The following ASXL1 variants were observed in gnomAD, a reference collection of about 807,000 sequenced individuals.
ASXL1 encodes polycomb group protein ASXL1.
In ASXL1, 65 loss-of-function variants were observed where a neutral mutation model predicts 89.1. The observed-to-expected ratio is 0.73, with a 90% CI of 0.60 to 0.90. The LOEUF (loss-of-function observed/expected upper bound fraction) is 0.90, where lower values mean the gene tolerates loss of function less well. Among genes scored for constraint, ASXL1 ranks in the 40% least tolerant of loss-of-function variants. ASXL1 has a pLI of 0.00. For missense variants in ASXL1, 1,786 were observed against 1,942.9 expected, an observed-to-expected ratio of 0.92 and a Z score of 1.52; for synonymous variants, 739 against 746.9, an observed-to-expected ratio of 0.99 and a Z score of 0.17.
rs71338437 is a variant in ASXL1 at position 32,418,809 on chromosome 20, C to CT, written c.253-9278dup. On this transcript the variant is annotated intron_variant, in intron 4 of 12. Transcript: ENST00000375687. ...AAATCAAAATGGGAAGAATTGACAT[C>CT]TTTTTTTTTTTTTTTTTTTTTTTTT... Among the ~76,000 whole-genome samples the CT allele has an allele frequency of 2.3e-3, 128 of 55,746 alleles. 22 individuals carry two copies. The highest frequency in any genetic ancestry group is 0.015 in the Middle Eastern group (1 of 68). The allele number at this position is 55,746 out of a possible 152,430, so 36.6% of individuals were successfully genotyped here.
At chr20:32,377,779 C>T (rs532792207) in intron 4 of ASXL1, among the ~76,000 whole-genome samples, 3 of 150,958 alleles carry the variant, frequency 2.0e-5, no homozygotes, top group East Asian at 3.9e-4. Flanking sequence ...CAGCCTCCTG[C>T]GTAGCTGGGA....
chr20:32,390,434 C>G (rs1055964552), intron 4 of ASXL1, among the ~76,000 whole-genome samples: 1 of 151,994 alleles, frequency 6.6e-6, no homozygotes, highest in Non-Finnish European at 1.5e-5. Flanking sequence ...TTTGACAGAT[C>G]TATATACAGA....
Position 32,433,416 on chromosome 20 carries a change from G to A in ASXL1, c.1218G>A (p.Gly406=), listed in dbSNP as rs1344153599. ...QRGPATRQRD[G]HFKKRSRPDL... is the part of the protein sequence containing the mutation. The stretch of plus-strand genomic sequence containing the variant: ...GTCCAGCCACCCGACAGCGAGATGG[G>A]CATTTTAAGAAACGCTCTCGGCCAG... Residue 406 remains glycine (G), a synonymous_variant, in exon 12 of 13, where the codon GGG becomes GGA. Transcript: ENST00000375687. 5.6e-6 allele frequency: 9 copies of A among 1,614,178 alleles called. No homozygotes were observed. The highest frequency in any genetic ancestry group is 7.6e-6 in the Non-Finnish European group (9 of 1,180,026).
intron 4 of ASXL1, among the ~76,000 whole-genome samples, chr20:32,375,440 C>CT (rs2048361019): frequency 1.4e-5 from 2 of 138,532 alleles, no homozygotes; most frequent in Admixed American, 1.5e-4. Context: ...CAGAGCAAGA[C>CT]TTGGTCTCAA....
chr20:32,377,265 C>T lies in ASXL1; in HGVS notation c.252+8142C>T, dbSNP rs950166604. 5.4e-5 allele frequency among the ~76,000 whole-genome samples: 8 copies of T among 148,184 alleles called. No homozygotes were observed. In the South Asian group the frequency reaches 6.4e-4, roughly 12 times the overall value. On this transcript the variant is annotated intron_variant, in intron 4 of 12. Transcript: ENST00000375687. ...CCTCGCAAAGTGCTGGGATTACAGG[C>T]GTGAGCCACGTGCCTGGCCAGAATT...
chr20:32,438,437 G>T lies in ASXL1; in HGVS notation c.*1099G>T, dbSNP rs1367969715. The T allele has an allele frequency of 4.3e-6, 1 of 233,488 alleles. No individual in the cohort carries two copies. The highest frequency in any genetic ancestry group is 6.0e-5 in the East Asian group (1 of 16,590). The allele number at this position is 233,488 out of a possible 1,614,324, so 14.5% of individuals were successfully genotyped here. A position where few individuals can be genotyped will look rare whatever the true frequency, so the allele number is the denominator to read the frequency against. On this transcript the variant is annotated 3_prime_UTR_variant, in exon 13 of 13. Transcript: ENST00000375687. ...CTCTACATCTGTTGTCAGAGCCACT[G>T]AGTGCTGTGCTGCTCGACGTGAGGG...
rs528890865 is a variant in ASXL1, at chr20:32,433,712, A to G, written c.1514A>G (p.Asp505Gly). Reference protein sequence around the residue: ...DNLARASASPDRIPSLPQETV... With the variant: ...DNLARASASPGRIPSLPQETV... The stretch of plus-strand genomic sequence containing the variant: ...TTGGCACGTGCCTCTGCATCTCCAG[A>G]CAGAATTCCTAGCCTGCCTCAGGAA... The change falls in exon 12 of 13, where the codon GAC becomes GGC. Residue 505 changes from aspartate (D) to glycine (G), a missense_variant. Physicochemically the swap from Asp to Gly is moderately conservative, Grantham distance 94. Coordinates refer to ENST00000375687, the MANE Select transcript of ASXL1 (RefSeq NM_015338.6). 6 of 1,612,874 alleles carry G rather than the reference A, an allele frequency of 3.7e-6. No individual in the cohort carries two copies. The East Asian group carries it at 1.3e-4, about 36-fold the overall frequency.
intron 1 of ASXL1, chr20:32,360,916 T>A (rs1274189685): frequency 1.3e-5 from 2 of 152,758 alleles, no homozygotes; most frequent in Non-Finnish European, 2.9e-5. Context: ...CCCGGCTAAT[T>A]TTTTATTTTT....
At chr20:32,418,004 C>A (rs2049167186) in intron 4 of ASXL1, among the ~76,000 whole-genome samples, 1 of 151,934 alleles carries the variant, frequency 6.6e-6, no homozygotes, top group South Asian at 2.1e-4. Context: ...TGGGGAAACC[C>A]CGTCTCTACT....
intron 4 of ASXL1, among the ~76,000 whole-genome samples, chr20:32,393,749 T>C (rs1009294461): frequency 1.3e-5 from 2 of 151,388 alleles, no homozygotes; most frequent in Non-Finnish European, 3.0e-5. Flanking sequence ...GGATTACAGG[T>C]GTGAGCCACT....
intron 4 of ASXL1, among the ~76,000 whole-genome samples, chr20:32,385,242 TTAAG>T (rs2122956104): frequency 6.6e-6 from 1 of 152,348 alleles, no homozygotes; most frequent in African/African-American, 2.4e-5. Context: ...CTGTGAGAGT[TTAAG>T]TAAATTGTAC....
chr20:32,375,635 A>G (rs1457250953), intron 4 of ASXL1, among the ~76,000 whole-genome samples: 2 of 151,894 alleles, frequency 1.3e-5, no homozygotes, highest in East Asian at 3.9e-4. Flanking sequence ...TTTTTGAACA[A>G]TCCAGACTAG....
At chr20:32,428,734 T>C (rs575597381) in intron 6 of ASXL1, 266 of 319,878 alleles carry the variant, frequency 8.3e-4, no homozygotes, top group Non-Finnish European at 1.4e-3. Context: ...GATCTCCGCT[T>C]ACTGCAACCT....
intron 4 of ASXL1, among the ~76,000 whole-genome samples, chr20:32,417,246 A>G (rs966091701): frequency 6.6e-6 from 1 of 152,220 alleles, no homozygotes; most frequent in African/African-American, 2.4e-5. Flanking sequence ...ATAAAAACAC[A>G]TCTAGACCCA....
At chr20:32,373,043 T>C (rs1475060110) in intron 4 of ASXL1, among the ~76,000 whole-genome samples, 1 of 150,068 alleles carries the variant, frequency 6.7e-6, no homozygotes, top group African/African-American at 2.4e-5. Context: ...TCCCAAAGTG[T>C]TGGGTTTACA....
intron 4 of ASXL1, among the ~76,000 whole-genome samples, chr20:32,393,240 T>G (rs2048703540): frequency 6.6e-6 from 1 of 152,258 alleles, no homozygotes; most frequent in African/African-American, 2.4e-5. Flanking sequence ...TGAATTGGTC[T>G]CTGTCATTTT....
intron 4 of ASXL1, among the ~76,000 whole-genome samples, chr20:32,407,407 T>C (rs2048974218): frequency 6.6e-6 from 1 of 152,172 alleles, no homozygotes. Flanking sequence ...GGATACATAC[T>C]GTATCCCGAG....
In ASXL1 at chr20:32,437,351, A is replaced by C; in HGVS notation, c.*13A>C. 1 of 1,611,932 alleles carries C rather than the reference A, an allele frequency of 6.2e-7. No individual in the cohort carries two copies. The highest frequency in any genetic ancestry group is 8.5e-7 in the Non-Finnish European group (1 of 1,178,122). On this transcript the variant is annotated 3_prime_UTR_variant, in exon 13 of 13. Coordinates refer to ENST00000375687, the MANE Select transcript of ASXL1 (RefSeq NM_015338.6). The stretch of plus-strand genomic sequence containing the variant: ...TGTGGTGAGATAATAAATTATGGCC[A>C]TGGGAAACATTGTATATTTAGTGTG...
intron 4 of ASXL1, among the ~76,000 whole-genome samples, chr20:32,388,214 A>G (rs190320067): frequency 9.9e-5 from 15 of 152,134 alleles, no homozygotes; most frequent in African/African-American, 3.1e-4. Flanking sequence ...TTGCTCTGTC[A>G]CCCCAGCTGG....
Sources: allele counts gnomAD v4.1 joint callset (sites outside exome capture counted in the v4.1 genomes callset), GRCh38; gene constraint gnomAD v4.1.1; transcripts MANE v1.5; gene names NCBI Gene and HGNC (gene_info 2026-07-23, HGNC 2026-07-21).